The following SPG11 variants were observed in gnomAD, a reference collection of about 807,000 sequenced individuals.
SPG11 encodes the protein spatacsin.
In SPG11, 222 loss-of-function variants were observed where a neutral mutation model predicts 274.0. That is an observed-to-expected ratio of 0.81 (90% CI 0.73 to 0.91). SPG11 has a LOEUF of 0.91. Ranked by LOEUF, SPG11 falls within the 40% of genes least tolerant of loss-of-function variation. The probability of loss-of-function intolerance (pLI) is 0.00; values close to 1 mark genes in which losing one functional copy is unlikely to be tolerated. For synonymous variants in SPG11, 1,144 were observed against 1,039.7 expected (o/e 1.10, Z -1.93); for missense variants, 3,114 against 2,872.7 (o/e 1.08, Z -1.92).
intron 38 of SPG11, 140 bp downstream of exon 38, chr15:44,565,714 G>A: frequency 9.5e-7 from 1 of 1,057,470 alleles, no homozygotes; most frequent in Non-Finnish European, 1.4e-6. Context: ...GCCGTTCTAT[G>A]TTGGTATCAG....
rs1302243415 is a variant in SPG11, at chr15:44,663,490, G to A, written c.158C>T (p.Ala53Val). The change falls in exon 1 of 40, where the codon GCT (alanine) becomes GTT (valine). Residue 53 changes from alanine (A) to valine (V), a missense_variant. Physicochemically the swap from Ala to Val is moderately conservative, Grantham distance 64 (BLOSUM62 0). Coordinates refer to ENST00000261866, the MANE Select transcript of SPG11 (RefSeq NM_025137.4). ...SRAQLRTQPE[A>V]LGSLTAAGSL... is the part of the protein sequence containing the mutation. ...GCCCGCAGCCGTCAGGCTCCCCAGA[G>A]CCTCCGGCTGTGTGCGCAGCTGCGC... 2.5e-6 allele frequency: 4 copies of A among 1,593,014 alleles called. No individual in the cohort carries two copies. The Admixed American group carries it at 5.3e-5, about 21-fold the overall frequency.
intron 18 of SPG11, among the ~76,000 whole-genome samples, chr15:44,610,245 G>T (rs2083427542): frequency 6.6e-6 from 1 of 151,402 alleles, no homozygotes; most frequent in Admixed American, 6.6e-5. Flanking sequence ...GGAGATGGAG[G>T]TTTCATCATG....
rs567932275 is a variant in SPG11, at chr15:44,622,764, G to A, written c.2280C>T (p.Cys760=). ...GTATATTTTTATTAGTTGTATAGAA[G>A]CAGATCTTGAGCAATTGGCCTTTTA... ...FDVKGQLLKI[C]FYTTNKNIRD... Residue 760 remains cysteine (C), a synonymous_variant, in exon 12 of 40, where the codon TGC becomes TGT. Transcript: ENST00000261866. 54 of 1,613,592 alleles carry A rather than the reference G, an allele frequency of 3.3e-5. No homozygotes were observed. The highest frequency in any genetic ancestry group is 6.7e-5 in the Admixed American group (4 of 59,998).
intron 8 of SPG11, among the ~76,000 whole-genome samples, chr15:44,630,826 T>C (rs1056790854): frequency 4.0e-5 from 6 of 151,858 alleles, no homozygotes; most frequent in Admixed American, 3.9e-4. Flanking sequence ...GATCCACCCA[T>C]CTCGGCCTCC....
At chr15:44,636,943 A>C (rs201009328) in intron 7 of SPG11, among the ~76,000 whole-genome samples, 7,683 of 115,754 alleles carry the variant, frequency 0.066, 92 homozygotes, top group East Asian at 0.14. Flanking sequence ...AAAAAAAAAA[A>C]AAAAAAAAAA....
intron 17 of SPG11, among the ~76,000 whole-genome samples, chr15:44,611,486 A>C (rs2083458933): frequency 6.6e-6 from 1 of 152,200 alleles, no homozygotes. Context: ...ACTCATCATC[A>C]AGCATTAGAG....
chr15:44,590,129 T>A (rs578043880), intron 27 of SPG11, among the ~76,000 whole-genome samples: 1 of 152,178 alleles, frequency 6.6e-6, no homozygotes, highest in African/African-American at 2.4e-5. Flanking sequence ...TAAAGAGGGA[T>A]GTAGGCCTGC....
At chr15:44,637,458 G>A (rs1229970722) in intron 7 of SPG11, among the ~76,000 whole-genome samples, 1 of 152,136 alleles carries the variant, frequency 6.6e-6, no homozygotes, top group African/African-American at 2.4e-5. Context: ...GACTATAGGT[G>A]TGAGCCACCA....
chr15:44,661,380 A>G (rs1454228433), intron 1 of SPG11, among the ~76,000 whole-genome samples: 2 of 152,210 alleles, frequency 1.3e-5, no homozygotes, highest in East Asian at 1.9e-4. Context: ...AAATAACACA[A>G]TGAAAGAGGT....
rs772616715 is a variant in SPG11 at position 44,651,865 on chromosome 15, G to A, written c.1082C>T (p.Pro361Leu). Residue 361 changes from proline (P) to leucine (L), a missense_variant, in exon 6 of 40, where the codon CCA (proline) becomes CTA (leucine). Transcript: ENST00000261866. Reference sequence around the variant, plus strand: ...CAAATGCAAAATATCCTGGAACCATGGAGCACAACAGGAAACCTCCAGTTT... The same window carrying A: ...CAAATGCAAAATATCCTGGAACCATAGAGCACAACAGGAAACCTCCAGTTT... ...NSKLEVSCCA[P>L]WFQDILHLES... is the part of the protein sequence containing the mutation. 1.9e-6 allele frequency: 3 copies of A among 1,613,658 alleles called. No individual in the cohort carries two copies. The highest frequency in any genetic ancestry group is 2.5e-6 in the Non-Finnish European group (3 of 1,179,756).
intron 23 of SPG11, 95 bp downstream of exon 23, chr15:44,598,170 G>C: frequency 1.2e-6 from 1 of 836,002 alleles, no homozygotes; most frequent in Non-Finnish European, 2.1e-6. Context: ...GGGGGATTTA[G>C]TGAAAACACC....
intron 23 of SPG11, among the ~76,000 whole-genome samples, chr15:44,597,701 G>T (rs1274587811): frequency 6.6e-6 from 1 of 152,190 alleles, no homozygotes; most frequent in Non-Finnish European, 1.5e-5. Flanking sequence ...TCAGTGATAG[G>T]ATGTACAGAA....
intron 20 of SPG11, among the ~76,000 whole-genome samples, chr15:44,602,381 T>C (rs192486706): frequency 6.6e-6 from 1 of 152,304 alleles, no homozygotes; most frequent in East Asian, 1.9e-4. Flanking sequence ...TTGAGATGCA[T>C]TCCTTCTATG....
At chr15:44,571,844 T>G (rs1362657521) in intron 33 of SPG11, among the ~76,000 whole-genome samples, 2 of 152,040 alleles carry the variant, frequency 1.3e-5, no homozygotes. Context: ...CAGACTAGAG[T>G]TCAGTGTTGC....
At chr15:44,596,386 AC>A in intron 24 of SPG11, 31 bp from the exon 25 acceptor site, 1 of 1,613,206 alleles carries the variant, frequency 6.2e-7, no homozygotes, top group Admixed American at 1.7e-5. Flanking sequence ...TTAAACAGAA[AC>A]CCAACTTTCA....
intron 6 of SPG11, among the ~76,000 whole-genome samples, chr15:44,650,856 T>A (rs1388529914): frequency 6.6e-6 from 1 of 152,058 alleles, no homozygotes; most frequent in Non-Finnish European, 1.5e-5. Context: ...CAAGCAATTC[T>A]CCTGCCTCGG....
intron 7 of SPG11, among the ~76,000 whole-genome samples, chr15:44,639,673 T>C (rs1385805502): frequency 6.6e-6 from 1 of 151,458 alleles, no homozygotes; most frequent in Non-Finnish European, 1.5e-5. Context: ...CTGCACTCCA[T>C]CCTAGGTGAC....
chr15:44,649,013 T>C lies in SPG11; in HGVS notation c.1457-2A>G, dbSNP rs312262726. ...ACAAAATCAGAGAGAGTCCATTCTC[T>C]ATAGGAAAAATAAAAGTTAGCTTTA... On this transcript the variant is annotated splice_acceptor_variant, in intron 6 of 39. Transcript: ENST00000261866. LOFTEE classifies it high-confidence loss of function. 1.9e-6 allele frequency: 3 copies of C among 1,611,742 alleles called. No homozygotes were observed. The highest frequency in any genetic ancestry group is 1.3e-5 in the African/African-American group (1 of 74,872).
At chr15:44,642,408 G>GA (rs927318222) in intron 7 of SPG11, among the ~76,000 whole-genome samples, 28 of 132,622 alleles carry the variant, frequency 2.1e-4, no homozygotes, top group Non-Finnish European at 3.9e-4. Context: ...GGAAAGAAAA[G>GA]AAAAAAAAAT....
Sources: gnomAD v4.1 joint callset for allele counts (sites outside exome capture counted in the v4.1 genomes callset) on GRCh38, gnomAD v4.1.1 for gene constraint, MANE v1.5 for transcripts, NCBI Gene and HGNC (gene_info 2026-07-23, HGNC 2026-07-21) for gene names.